PRKN: variants seen among roughly 807,000 people sequenced by gnomAD.
PRKN encodes the protein parkin RBR E3 ubiquitin protein ligase.
Under a neutral mutation model 59.5 loss-of-function variants are expected in PRKN, and 56 were observed. The ratio of observed to expected loss-of-function variants is 0.94; its 90% CI spans 0.76 to 1.18. The LOEUF (loss-of-function observed/expected upper bound fraction) is 1.18. Ranked by LOEUF, PRKN falls within the 50% of genes most tolerant of loss-of-function variation. PRKN has a pLI of 0.00. For synonymous variants in PRKN, 250 were observed against 222.1 expected (o/e 1.13, Z -1.12); for missense variants, 657 against 596.4 (o/e 1.10, Z -1.06).
In PRKN at chr6:162,727,725, C is replaced by A; in HGVS notation, c.-57G>T. ...GAACAGGCCCATGCGCGCAGCGGCG[C>A]CAGCCGCGCCTCCCACCAGCGGCTC... is the stretch of plus-strand genomic sequence containing the variant. On this transcript the variant is annotated 5_prime_UTR_variant, in exon 1 of 12. Transcript: ENST00000366898. 1 of 1,535,534 alleles carries A rather than the reference C, an allele frequency of 6.5e-7. No individual in the cohort carries two copies. Among genetic ancestry groups the A allele is most frequent in the Non-Finnish European group, 8.8e-7 (1 of 1,133,902 alleles).
At chr6:161,637,777 G>C (rs1309231284) in intron 7 of PRKN, among the ~76,000 whole-genome samples, 2 of 151,588 alleles carry the variant, frequency 1.3e-5, no homozygotes, top group Admixed American at 6.6e-5. Flanking sequence ...CCCCAATTCT[G>C]TTTAGGATAC....
chr6:162,206,027 C>T (rs565776047), intron 3 of PRKN, among the ~76,000 whole-genome samples: 17 of 152,022 alleles, frequency 1.1e-4, no homozygotes, highest in South Asian at 4.2e-4. Flanking sequence ...AATGTTGGCC[C>T]GAGAGAAGGA....
Position 161,407,211 on chromosome 6 carries a change from T to C in PRKN, c.1084-20334A>G, listed in dbSNP as rs1787317689. ...AAAACAAAAAGTCATACCAAAATTA[T>C]AACTGCTAAGAGAGATGTTAATGGT... On this transcript the variant is annotated intron_variant, in intron 9 of 11. Coordinates refer to ENST00000366898, the MANE Select transcript of PRKN (RefSeq NM_004562.3). This position sits in a 1 kb window ranked among gnomAD's most constrained non-coding sequence, Gnocchi z 4.9. 6.6e-6 allele frequency among the ~76,000 whole-genome samples: 1 copy of C among 152,158 alleles called. No individual in the cohort carries two copies. Among genetic ancestry groups the C allele is most frequent in the Non-Finnish European group, 1.5e-5 (1 of 68,046 alleles).
chr6:162,572,692 G>A (rs1271358271), intron 1 of PRKN, among the ~76,000 whole-genome samples: 1 of 152,134 alleles, frequency 6.6e-6, no homozygotes, highest in Non-Finnish European at 1.5e-5. Context: ...TTGAAAGAAA[G>A]CATTAAAGGA....
intron 6 of PRKN, among the ~76,000 whole-genome samples, chr6:161,922,371 T>C (rs781629131): frequency 6.6e-6 from 1 of 152,322 alleles, no homozygotes; most frequent in East Asian, 1.9e-4. Context: ...TCCATTGTTT[T>C]GCCCTGGTAT....
chr6:162,541,039 T>C (rs147227444), intron 1 of PRKN, among the ~76,000 whole-genome samples: 423 of 152,210 alleles, frequency 2.8e-3, no homozygotes, highest in Non-Finnish European at 5.0e-3. Context: ...GATTCAGAAA[T>C]CCTCACATCA....
intron 2 of PRKN, among the ~76,000 whole-genome samples, chr6:162,392,060 T>C (rs533851286): frequency 1.3e-5 from 2 of 152,180 alleles, no homozygotes; most frequent in African/African-American, 2.4e-5. Flanking sequence ...TTGGATGCTA[T>C]TGATTAGTAC....
intron 7 of PRKN, among the ~76,000 whole-genome samples, chr6:161,712,361 G>A (rs1786785094): frequency 6.6e-6 from 1 of 152,152 alleles, no homozygotes; most frequent in Non-Finnish European, 1.5e-5. Flanking sequence ...TTAGGATGTT[G>A]CTATACTGAC....
At chr6:162,635,132 G>A (rs1777659203) in intron 1 of PRKN, among the ~76,000 whole-genome samples, 1 of 152,274 alleles carries the variant, frequency 6.6e-6, no homozygotes, top group African/African-American at 2.4e-5. Context: ...AGTCCTGGGT[G>A]CTCACAAGAG....
At chr6:162,222,693 C>T (rs1029590295) in intron 3 of PRKN, among the ~76,000 whole-genome samples, 1 of 151,996 alleles carries the variant, frequency 6.6e-6, no homozygotes, top group Non-Finnish European at 1.5e-5. Context: ...GCGGGTCAGA[C>T]CTGAGGAAAT....
At chr6:162,619,485 T>C (rs1782569080) in intron 1 of PRKN, among the ~76,000 whole-genome samples, 1 of 152,066 alleles carries the variant, frequency 6.6e-6, no homozygotes, top group Non-Finnish European at 1.5e-5. Context: ...AGAGCTGGTT[T>C]AAATGGAAAA....
chr6:161,806,469 T>C (rs1791328494), intron 6 of PRKN, among the ~76,000 whole-genome samples: 1 of 152,190 alleles, frequency 6.6e-6, no homozygotes, highest in South Asian at 2.1e-4. Context: ...CCAGTCAGAC[T>C]TACAAGCCAG....
chr6:162,573,622 G>T (rs1288864504), intron 1 of PRKN, among the ~76,000 whole-genome samples: 1 of 152,136 alleles, frequency 6.6e-6, no homozygotes, highest in Non-Finnish European at 1.5e-5. Flanking sequence ...GTGATATTGA[G>T]GTTTCTACAT....
intron 7 of PRKN, among the ~76,000 whole-genome samples, chr6:161,678,377 A>G (rs1392312028): frequency 6.6e-6 from 1 of 151,824 alleles, no homozygotes; most frequent in African/African-American, 2.4e-5. Context: ...GGACAAGTGT[A>G]ATAATGGTAT....
intron 9 of PRKN, among the ~76,000 whole-genome samples, chr6:161,437,382 CA>C (rs1754896770): frequency 6.6e-6 from 1 of 152,182 alleles, no homozygotes; most frequent in Non-Finnish European, 1.5e-5. Flanking sequence ...TTTCATCGCA[CA>C]ACTCAGAACA....
At chr6:161,859,276 C>A (rs555411071) in intron 6 of PRKN, among the ~76,000 whole-genome samples, 6 of 152,008 alleles carry the variant, frequency 3.9e-5, no homozygotes, top group African/African-American at 1.2e-4. Flanking sequence ...GTGCTAATTG[C>A]GTACCTCTCT....
chr6:161,368,219 G>C (rs2114884783), intron 10 of PRKN, among the ~76,000 whole-genome samples: 1 of 149,358 alleles, frequency 6.7e-6, no homozygotes, highest in Non-Finnish European at 1.5e-5. Context: ...TTCAAGACCA[G>C]CCTGCGAAAC....
At chr6:161,736,367 C>A (rs1787963539) in intron 7 of PRKN, among the ~76,000 whole-genome samples, 1 of 152,296 alleles carries the variant, frequency 6.6e-6, no homozygotes, top group Admixed American at 6.5e-5. Flanking sequence ...TCATATCTAC[C>A]TTTCTGAGCA....
intron 2 of PRKN, among the ~76,000 whole-genome samples, chr6:162,377,866 CT>C (rs1483814363): frequency 1.3e-5 from 2 of 152,162 alleles, no homozygotes; most frequent in East Asian, 3.9e-4. Flanking sequence ...ACTATTCATG[CT>C]TAAGGCAATG....
Sources: gnomAD v4.1 joint callset for allele counts (sites outside exome capture counted in the v4.1 genomes callset) on GRCh38, gnomAD v4.1.1 for gene constraint, Gnocchi (gnomAD v3.1) non-coding constraint, MANE v1.5 for transcripts, NCBI Gene and HGNC (gene_info 2026-07-23, HGNC 2026-07-21) for gene names.